The following OTOA variants were observed in gnomAD, a reference collection of about 807,000 sequenced individuals.
The protein encoded by OTOA is cancer/testis antigen 108.
A neutral mutation model predicts 110.8 loss-of-function variants in OTOA; 70 were observed. The observed-to-expected ratio is 0.63, with a 90% CI of 0.52 to 0.77. The LOEUF (loss-of-function observed/expected upper bound fraction) is 0.77. OTOA is among the 30% of genes least tolerant of loss of function. OTOA has a pLI of 0.00. For missense variants in OTOA, 917 were observed against 1,075.8 expected, an observed-to-expected ratio of 0.85 and a Z score of 2.06; for synonymous variants, 373 against 431.5, an observed-to-expected ratio of 0.86 and a Z score of 1.68.
intron 28 of OTOA, among the ~76,000 whole-genome samples, 161 bp from the exon 29 acceptor site, chr16:21,760,308 CT>C (rs1481962462): frequency 4.6e-5 from 7 of 151,808 alleles, no homozygotes; most frequent in African/African-American, 1.7e-4. Context: ...TCCCCCACCC[CT>C]CCTCCTCTTT....
In OTOA at chr16:21,736,333, G is replaced by A. The variant is rs919635153; in HGVS notation, c.2374G>A (p.Val792Ile). ...GCCCACTAAAGAATTCCTCTGGGCT[G>A]TCTTTCAGTCTGTTCGGAACAGCAG... ...TLPTKEFLWA[V>I]FQSVRNSSDK... Residue 792 changes from valine (V) to isoleucine (I), a missense_variant, in exon 22 of 29, where the codon GTC becomes ATC. By Grantham distance (29) the Val-to-Ile change is conservative (BLOSUM62 3). This residue lies in a region of OTOA where 57 missense variants were observed against 59.7 expected (regional missense o/e 0.96). Transcript: ENST00000646100. 1 of 1,614,042 alleles carries A rather than the reference G, an allele frequency of 6.2e-7. No individual in the cohort carries two copies. The highest frequency in any genetic ancestry group is 8.5e-7 in the Non-Finnish European group (1 of 1,180,032).
chr16:21,700,031 A>G (rs1250166559), intron 10 of OTOA, among the ~76,000 whole-genome samples: 1 of 152,176 alleles, frequency 6.6e-6, no homozygotes, highest in Non-Finnish European at 1.5e-5. Context: ...TACAAGGAAG[A>G]ATAGATAGAT....
rs1399259704 is a variant in OTOA, at chr16:21,709,905, G to C, written c.1122G>C (p.Leu374=). ...CCTTCCAGCTCAAAGCAGAACTCCTGGACATTGCCATGGAGAACCAGACCC... is the reference window on the plus strand; with the variant it reads ...CCTTCCAGCTCAAAGCAGAACTCCTCGACATTGCCATGGAGAACCAGACCC... ...AGVQKLKAEL[L]DIAMENQTLN... The change falls in exon 13 of 29, where the codon CTG becomes CTC. Residue 374 remains leucine, a synonymous_variant. Transcript: ENST00000646100. The C allele has an allele frequency of 6.2e-7, 1 of 1,613,682 alleles. No individual in the cohort carries two copies. The highest frequency in any genetic ancestry group is 1.7e-5 in the Admixed American group (1 of 60,004).
At chr16:21,709,085 G>T (rs1898279744) in intron 12 of OTOA, among the ~76,000 whole-genome samples, 1 of 152,124 alleles carries the variant, frequency 6.6e-6, no homozygotes, top group South Asian at 2.1e-4. Context: ...GCTAATCATG[G>T]TTATTTTTAT....
In OTOA at chr16:21,715,063, C is replaced by G. The variant is rs757720270; in HGVS notation, c.1399C>G (p.Arg467Gly). 6.2e-7 allele frequency: 1 copy of G among 1,614,108 alleles called. No individual in the cohort carries two copies. The highest frequency in any genetic ancestry group is 8.5e-7 in the Non-Finnish European group (1 of 1,180,036). ...CACCCAGGCCTTCTGCAGCATGAAA[C>G]GCAAGGACATCTCGCAGGTCCTGAG... ...VSTQAFCSMK[R>G]KDISQVLRSA... Residue 467 changes from arginine (R) to glycine (G), a missense_variant, in exon 14 of 29, where the codon CGC (arginine) becomes GGC (glycine). Physicochemically the swap from Arg to Gly is moderately radical, Grantham distance 125 (BLOSUM62 -2). Coordinates refer to ENST00000646100, the MANE Select transcript of OTOA (RefSeq NM_144672.4).
chr16:21,675,645 T>C (rs1966856343), intron 1 of OTOA, among the ~76,000 whole-genome samples: 1 of 152,166 alleles, frequency 6.6e-6, no homozygotes, highest in South Asian at 2.1e-4. Context: ...CAGTGTCTAA[T>C]ATGCTGTTAA....
chr16:21,755,447 CGTGTGTGTGTGTGTGT>C (rs4016992), intron 27 of OTOA, among the ~76,000 whole-genome samples: 120 of 68,562 alleles, frequency 1.8e-3, no homozygotes, highest in African/African-American at 6.0e-3. Flanking sequence ...ACCACCCCAC[CGTGTGTGTGTGTGTGT>C]GTGTGTGTGT....
intron 8 of OTOA, among the ~76,000 whole-genome samples, chr16:21,687,851 A>G (rs2141661489): frequency 6.6e-6 from 1 of 151,944 alleles, no homozygotes; most frequent in South Asian, 2.1e-4. Context: ...TTTTGTACAG[A>G]TGGAGTTTCA....
At chr16:21,699,967 G>A (rs1898019907) in intron 10 of OTOA, among the ~76,000 whole-genome samples, 1 of 151,730 alleles carries the variant, frequency 6.6e-6, no homozygotes, top group African/African-American at 2.4e-5. Context: ...AAAATAAAAA[G>A]AGTGAGTCAG....
chr16:21,750,165 A>G (rs1483453252), intron 24 of OTOA, among the ~76,000 whole-genome samples: 1 of 152,280 alleles, frequency 6.6e-6, no homozygotes, highest in East Asian at 1.9e-4. Context: ...CTGTAGTCCT[A>G]GAACTTTGGG....
At chr16:21,725,443 T>C (rs1898883478) in intron 18 of OTOA, among the ~76,000 whole-genome samples, 2 of 152,046 alleles carry the variant, frequency 1.3e-5, no homozygotes, top group Admixed American at 1.3e-4. Context: ...CATGCCACCA[T>C]GCCCAGCTAA....
intron 19 of OTOA, chr16:21,727,142 A>T (rs1241840403): frequency 5.3e-6 from 1 of 188,132 alleles, no homozygotes; most frequent in East Asian, 1.4e-4. Context: ...TCAGCCTCCC[A>T]AGTAGCTGGG....
At chr16:21,694,704 G>A (rs902364779) in intron 9 of OTOA, among the ~76,000 whole-genome samples, 5 of 152,152 alleles carry the variant, frequency 3.3e-5, no homozygotes, top group East Asian at 1.9e-4. Context: ...GAATGAGCTC[G>A]GTGTGGGGAA....
At chr16:21,735,845 C>T (rs1457916346) in intron 21 of OTOA, among the ~76,000 whole-genome samples, 2 of 152,144 alleles carry the variant, frequency 1.3e-5, no homozygotes, top group Admixed American at 6.5e-5. Context: ...TTGCCTGCCT[C>T]GACCTCCCAA....
Position 21,664,899 on chromosome 16 carries a change from C to G in OTOA, c.-5+667C>G, listed in dbSNP as rs140316360. ...AGGCAGGAGAATCGCATCAATCCGGCAGGTGGAGGTTGCAGTGAGCCGAGA... is the reference window on the plus strand; with the variant it reads ...AGGCAGGAGAATCGCATCAATCCGGGAGGTGGAGGTTGCAGTGAGCCGAGA... On this transcript the variant is annotated intron_variant, in intron 1 of 28. Coordinates refer to ENST00000646100, the MANE Select transcript of OTOA (RefSeq NM_144672.4). Among the ~76,000 whole-genome samples, 1,512 of 152,024 alleles carry G rather than the reference C, an allele frequency of 9.9e-3. 46 individuals carry two copies. Among genetic ancestry groups the G allele is most frequent in the East Asian group, 0.083 (428 of 5,180 alleles).
At chr16:21,734,361 G>T (rs915568625) in intron 21 of OTOA, among the ~76,000 whole-genome samples, 5 of 149,156 alleles carry the variant, frequency 3.4e-5, no homozygotes, top group African/African-American at 1.2e-4. Flanking sequence ...CAGATACTGG[G>T]GCCTATTGGA....
At chr16:21,675,151 T>C (rs1208940837) in intron 1 of OTOA, among the ~76,000 whole-genome samples, 1 of 147,776 alleles carries the variant, frequency 6.8e-6, no homozygotes, top group African/African-American at 2.5e-5. Flanking sequence ...TTCTTTTTCT[T>C]TCTCTCTCTC....
chr16:21,715,359 C>T (rs948869595), intron 14 of OTOA, among the ~76,000 whole-genome samples: 1 of 152,092 alleles, frequency 6.6e-6, no homozygotes, highest in Non-Finnish European at 1.5e-5. Context: ...CTTCCCAGAC[C>T]CCTTTGTTCT....
chr16:21,709,553 G>A (rs1597829378), intron 12 of OTOA, among the ~76,000 whole-genome samples: 1 of 152,108 alleles, frequency 6.6e-6, no homozygotes, highest in East Asian at 1.9e-4. Flanking sequence ...GGTCACCAGA[G>A]GACAACAGAT....
Sources: allele counts gnomAD v4.1 joint callset (sites outside exome capture counted in the v4.1 genomes callset), GRCh38; gene constraint gnomAD v4.1.1; regional missense constraint gnomAD v4.1.1; transcripts MANE v1.5; gene names NCBI Gene and HGNC (gene_info 2026-07-23, HGNC 2026-07-21).